Variants in HSPG2 observed in about 807,000 individuals in gnomAD.
HSPG2 encodes basement membrane-specific heparan sulfate proteoglycan core protein.
A neutral mutation model predicts 526.6 loss-of-function variants in HSPG2; 278 were observed. That is an observed-to-expected ratio of 0.53 (90% CI 0.48 to 0.58). The LOEUF is 0.58. Among genes scored for constraint, HSPG2 ranks in the 20% least tolerant of loss-of-function variants. The probability of loss-of-function intolerance (pLI) is 0.00; values close to 1 mark genes in which losing one functional copy is unlikely to be tolerated. For synonymous variants in HSPG2, 2,465 were observed against 2,555.4 expected (o/e 0.96, Z 1.07); for missense variants, 5,354 against 6,099.5 (o/e 0.88, Z 4.07).
At chr1:21,840,674 CA>C (rs2098045042) in intron 71 of HSPG2, among the ~76,000 whole-genome samples, 1 of 152,064 alleles carries the variant, frequency 6.6e-6, no homozygotes, top group Non-Finnish European at 1.5e-5. Context: ...CTCCTGACCT[CA>C]GGTGATCCAC....
intron 1 of HSPG2, among the ~76,000 whole-genome samples, chr1:21,934,047 G>A (rs990734004): frequency 2.0e-5 from 3 of 152,178 alleles, no homozygotes; most frequent in South Asian, 2.1e-4. Context: ...CCGCCCTAAA[G>A]GGGTCAGCAG....
Position 21,851,838 on chromosome 1 carries a change from G to C in HSPG2, c.6959C>G (p.Ser2320Cys). The change falls in exon 54 of 97, where the codon TCC becomes TGC. Residue 2320 changes from serine to cysteine, a missense_variant. Physicochemically the swap from Ser to Cys is moderately radical, Grantham distance 112 (BLOSUM62 -1). Transcript: ENST00000374695. The part of the protein sequence containing the change: ...VCRASNGMEA[S>C]ITVTVTGTQG... ...GGTCCCAGTTACTGTGACCGTGATG[G>C]AGGCCTCCATGCCGTTGCTGGCCCG... 1 of 1,613,604 alleles carries C rather than the reference G, an allele frequency of 6.2e-7. No homozygotes were observed. Among genetic ancestry groups the C allele is most frequent in the Non-Finnish European group, 8.5e-7 (1 of 1,179,952 alleles).
At position 21,824,918 on chromosome 1, in the gene HSPG2, G is replaced by C; in HGVS notation, c.12590-139C>G. ...CTGCAGTCCCTGGGGACCCACGGGG[G>C]CTGCCAACAGAATTCAGGGAGCCTA... On this transcript the variant is annotated intron_variant, in intron 91 of 96. Coordinates refer to ENST00000374695, the MANE Select transcript of HSPG2 (RefSeq NM_005529.7). This position sits in a 1 kb window ranked among gnomAD's most constrained non-coding sequence, Gnocchi z 5.9. 1 of 762,478 alleles carries C rather than the reference G, an allele frequency of 1.3e-6. No individual in the cohort carries two copies. The highest frequency in any genetic ancestry group is 2.0e-5 in the Admixed American group (1 of 49,276). The allele number at this position is 762,478 out of a possible 1,614,324, so 47.2% of individuals were successfully genotyped here. A position where few individuals can be genotyped will look rare whatever the true frequency, so the allele number is the denominator to read the frequency against.
chr1:21,862,170 C>G, intron 37 of HSPG2, 55 bp from the exon 38 acceptor site: 1 of 1,599,540 alleles, frequency 6.3e-7, no homozygotes, highest in Non-Finnish European at 8.5e-7. Flanking sequence ...TACCAGAAGC[C>G]TTTCAGGGTT....
In HSPG2 at chr1:21,872,301, C is replaced by T. The variant is rs775948080; in HGVS notation, c.4106G>A (p.Gly1369Glu). 3.8e-6 allele frequency: 6 copies of T among 1,570,720 alleles called. No homozygotes were observed. The South Asian group carries it at 7.0e-5, about 18-fold the overall frequency. Residue 1369 changes from glycine (G) to glutamate (E), a missense_variant, in exon 33 of 97, where the codon GGA becomes GAA. Physicochemically the swap from Gly to Glu is moderately conservative, Grantham distance 98. Coordinates refer to ENST00000374695, the MANE Select transcript of HSPG2 (RefSeq NM_005529.7). This position sits in a 1 kb window ranked among gnomAD's most constrained non-coding sequence, Gnocchi z 5.5. The part of the protein sequence containing the change: ...VNPQRNSRLT[G>E]EFTVEPVPEG... ...GGGCACGGGTTCCACAGTGAATTCT[C>T]CTGTCAGGCGGCTGTTTCGCTGTGG...
intron 96 of HSPG2, 61 bp from the exon 97 acceptor site, chr1:21,823,549 T>G: frequency 6.2e-7 from 1 of 1,610,660 alleles, no homozygotes; most frequent in Non-Finnish European, 8.5e-7. Context: ...CGAGGAAGGC[T>G]GGGCGAGCTC....
Position 21,857,278 on chromosome 1 carries a change from T to C in HSPG2, c.5394+7A>G, listed in dbSNP as rs1462154635. On this transcript the variant is annotated splice_region_variant and intron_variant, in intron 43 of 96. Transcript: ENST00000374695. Reference sequence around the variant, plus strand: ...CTTCCTCCATCCCCACTCCCTGACCTGCACACCTTGCTTTTGGCTGTGCAG... The same window carrying C: ...CTTCCTCCATCCCCACTCCCTGACCCGCACACCTTGCTTTTGGCTGTGCAG... The C allele has an allele frequency of 6.2e-7, 1 of 1,613,984 alleles. No homozygotes were observed. The highest frequency in any genetic ancestry group is 8.5e-7 in the Non-Finnish European group (1 of 1,180,000).
intron 1 of HSPG2, among the ~76,000 whole-genome samples, chr1:21,913,458 C>T (rs545927961): frequency 6.4e-4 from 98 of 152,346 alleles, no homozygotes; most frequent in Non-Finnish European, 1.1e-3. Context: ...CTGTCACCTT[C>T]GACCAGGAAT....
Position 21,839,792 on chromosome 1 carries a change from C to A in HSPG2, c.9709+30G>T, listed in dbSNP as rs2098041460. 1 of 1,609,608 alleles carries A rather than the reference C, an allele frequency of 6.2e-7. No homozygotes were observed. The highest frequency in any genetic ancestry group is 8.5e-7 in the Non-Finnish European group (1 of 1,178,450). ...CAGACCCCAGGGCATCCCTGCCCTG[C>A]CAGCCCTATGTGCCAGCCCTTGGTC... On this transcript the variant is annotated intron_variant, in intron 72 of 96. Coordinates refer to ENST00000374695, the MANE Select transcript of HSPG2 (RefSeq NM_005529.7). The surrounding 1 kb of genome is among the most constrained non-coding windows in gnomAD (Gnocchi z 4.5).
intron 6 of HSPG2, 145 bp from the exon 7 acceptor site, chr1:21,888,211 C>T (rs1642084481): frequency 3.0e-6 from 3 of 999,136 alleles, no homozygotes; most frequent in African/African-American, 1.6e-5. Context: ...GCAAGCAGCA[C>T]ACACTAGACA....
At chr1:21,853,123 G>A in intron 50 of HSPG2, 53 bp from the exon 51 acceptor site, 1 of 1,609,214 alleles carries the variant, frequency 6.2e-7, no homozygotes, top group Non-Finnish European at 8.5e-7. Flanking sequence ...GTAACCTGTA[G>A]CCCTGGGGCA....
Position 21,878,590 on chromosome 1 carries a change from G to A in HSPG2, c.2545C>T (p.Arg849Cys), listed in dbSNP as rs565085643. Residue 849 changes from arginine to cysteine, a missense_variant, in exon 19 of 97, where the codon CGC (arginine) becomes TGC (cysteine). Arg to Cys is a radical substitution (Grantham distance 180). Coordinates refer to ENST00000374695, the MANE Select transcript of HSPG2 (RefSeq NM_005529.7). ...CDACAPGYTG[R>C]RCESCAPGYE... ...GCTCTCCCTCACCTCTCACAGCGGC[G>A]GCCAGTGTAGCCTGGGGCACAGGCG... is the stretch of plus-strand genomic sequence containing the variant. The A allele has an allele frequency of 9.3e-6, 15 of 1,614,110 alleles. 1 individual carries two copies. The South Asian group carries it at 1.4e-4, about 15-fold the overall frequency.
intron 50 of HSPG2, among the ~76,000 whole-genome samples, chr1:21,853,321 A>G (rs1308382574): frequency 2.0e-5 from 3 of 152,238 alleles, no homozygotes; most frequent in African/African-American, 7.2e-5. Flanking sequence ...CCTCTGGCCC[A>G]TAGGGAACCA....
At position 21,851,648 on chromosome 1, in the gene HSPG2, C is replaced by T. The variant is rs775565589; in HGVS notation, c.7056G>A (p.Val2352=). The change falls in exon 55 of 97, where the codon GTG becomes GTA. Residue 2352 remains valine, a synonymous_variant. Coordinates refer to ENST00000374695, the MANE Select transcript of HSPG2 (RefSeq NM_005529.7). ...PIRIEPSSSQ[V]AEGQTLDLNC... Reference sequence around the variant, plus strand: ...TCAGATCCAGGGTCTGCCCTTCCGCCACTTGCGAGGAGGAGGGCTCGATGC... The same window carrying T: ...TCAGATCCAGGGTCTGCCCTTCCGCTACTTGCGAGGAGGAGGGCTCGATGC... 3 of 1,614,038 alleles carry T rather than the reference C, an allele frequency of 1.9e-6. No individual in the cohort carries two copies. In the South Asian group the frequency reaches 3.3e-5, roughly 18 times the overall value.
Position 21,848,285 on chromosome 1 carries a change from T to A in HSPG2, c.7738-192A>T, listed in dbSNP as rs191382046. Among the ~76,000 whole-genome samples the A allele has an allele frequency of 1.2e-3, 177 of 152,186 alleles. No homozygotes were observed. Among genetic ancestry groups the A allele is most frequent in the Non-Finnish European group, 7.5e-4 (51 of 68,000 alleles). On this transcript the variant is annotated intron_variant, in intron 59 of 96. Coordinates refer to ENST00000374695, the MANE Select transcript of HSPG2 (RefSeq NM_005529.7). This position sits in a 1 kb window ranked among gnomAD's most constrained non-coding sequence, Gnocchi z 4.9. ...TGGACGTCTAGCCTTTTGTCACCCCTCCAGAAAGCCTGTTAAGGCCCTCCG... is the reference window on the plus strand; with the variant it reads ...TGGACGTCTAGCCTTTTGTCACCCCACCAGAAAGCCTGTTAAGGCCCTCCG...
At chr1:21,933,483 A>G (rs1016410603) in intron 1 of HSPG2, among the ~76,000 whole-genome samples, 3 of 151,986 alleles carry the variant, frequency 2.0e-5, no homozygotes, top group African/African-American at 7.3e-5. Flanking sequence ...CCAGCCTGGC[A>G]CCCCAAGAGC....
Position 21,824,629 on chromosome 1 carries a change from G to A in HSPG2, c.12666-14C>T. The stretch of plus-strand genomic sequence containing the variant: ...ACCTCGGGCAGGCTGCGGAGGAAGA[G>A]CGGGTGAGGGGACAGAAGTCCCAGA... On this transcript the variant is annotated splice_polypyrimidine_tract_variant and intron_variant, in intron 92 of 96. Transcript: ENST00000374695. The surrounding 1 kb of genome is among the most constrained non-coding windows in gnomAD (Gnocchi z 5.9). The A allele has an allele frequency of 6.2e-7, 1 of 1,614,052 alleles. No homozygotes were observed. Among genetic ancestry groups the A allele is most frequent in the South Asian group, 1.1e-5 (1 of 91,070 alleles).
rs138093110 is a variant in HSPG2, at chr1:21,855,600, G to A, written c.5777C>T (p.Thr1926Met). 66 of 1,584,726 alleles carry A rather than the reference G, an allele frequency of 4.2e-5. No individual in the cohort carries two copies. The African/African-American group carries it at 6.6e-4, about 16-fold the overall frequency. The change falls in exon 46 of 97, where the codon ACG becomes ATG. Residue 1926 changes from threonine to methionine, a missense_variant. Transcript: ENST00000374695. ...GILRLPAVEP[T>M]DQAQYLCRAH... ...TCGGCACAAGTACTGGGCCTGATCC[G>A]TGGGCTCGACAGCTGGCAGGCGCAG...
At position 21,852,751 on chromosome 1, in the gene HSPG2, C is replaced by T. The variant is rs35669711; in HGVS notation, c.6673G>A (p.Gly2225Ser). 0.056 allele frequency: 91,127 copies of T among 1,612,894 alleles called. 3,075 individuals are homozygous for T. The highest frequency in any genetic ancestry group is 0.11 in the South Asian group (9,944 of 91,056). The stretch of plus-strand genomic sequence containing the variant: ...ACCAGGACTGAGGCCTCTAGGGGGC[C>T]GGAGGTGCCCACCACATGGCACACA... ...EYVCHVVGTSGPLEASVLVTI... is the reference protein window; with the variant it reads ...EYVCHVVGTSSPLEASVLVTI... Residue 2225 changes from glycine (G) to serine (S), a missense_variant, in exon 52 of 97, where the codon GGC (glycine) becomes AGC (serine). Gly to Ser is a moderately conservative substitution (Grantham distance 56). Transcript: ENST00000374695.
Sources: gnomAD v4.1 joint callset for allele counts (sites outside exome capture counted in the v4.1 genomes callset) on GRCh38, gnomAD v4.1.1 for gene constraint, Gnocchi (gnomAD v3.1) non-coding constraint, MANE v1.5 for transcripts, NCBI Gene and HGNC (gene_info 2026-07-23, HGNC 2026-07-21) for gene names.